TXNDC12: variants seen among roughly 807,000 people sequenced by gnomAD.
The protein encoded by TXNDC12 is thioredoxin domain-containing protein 12.
In TXNDC12, 22 loss-of-function variants were observed where a neutral mutation model predicts 24.2. The observed-to-expected ratio is 0.91, with a 90% CI of 0.65 to 1.30. The LOEUF (loss-of-function observed/expected upper bound fraction) is 1.30. Among genes scored for constraint, TXNDC12 ranks in the 50% most tolerant of loss-of-function variants. The probability of loss-of-function intolerance (pLI) is 0.00; values close to 1 mark genes in which losing one functional copy is unlikely to be tolerated. For missense variants in TXNDC12, 184 were observed against 205.8 expected, an observed-to-expected ratio of 0.89 and a Z score of 0.65; for synonymous variants, 58 against 73.4, an observed-to-expected ratio of 0.79 and a Z score of 1.07.
chr1:52,042,028 G>A (rs1686003446), intron 1 of TXNDC12, among the ~76,000 whole-genome samples: 1 of 152,168 alleles, frequency 6.6e-6, no homozygotes, highest in Non-Finnish European at 1.5e-5. Flanking sequence ...TTACGTGTGT[G>A]AATTCTTGTG....
rs201546597 is a variant in TXNDC12 at position 52,028,648 on chromosome 1, G to A, written c.159-18C>T. On this transcript the variant is annotated intron_variant, in intron 2 of 6. Transcript: ENST00000371626. ...GCAGTCCACTTAAAAGCAAAACAAA[G>A]AAATTATAATCTAGTAATTCTACTT... 5 of 1,587,144 alleles carry A rather than the reference G, an allele frequency of 3.2e-6. No homozygotes were observed. Among genetic ancestry groups the A allele is most frequent in the Non-Finnish European group, 4.3e-6 (5 of 1,160,328 alleles).
chr1:52,049,077 AACTTTT>A (rs1268467096), intron 1 of TXNDC12, among the ~76,000 whole-genome samples: 1 of 152,122 alleles, frequency 6.6e-6, no homozygotes, highest in Admixed American at 6.6e-5. Context: ...AGCTGAGCTC[AACTTTT>A]ACTTTTATTT....
At position 52,042,699 on chromosome 1, in the gene TXNDC12, C is replaced by T. The variant is rs542592511; in HGVS notation, c.98-1102G>A. ...GTGCAATGGCATGATCTCGGCTCAC[C>T]GCAACCTCCACCTCCTGGGTTCAAG... On this transcript the variant is annotated intron_variant, in intron 1 of 6. Transcript: ENST00000371626. Among the ~76,000 whole-genome samples, 28 of 151,868 alleles carry T rather than the reference C, an allele frequency of 1.8e-4. No individual in the cohort carries two copies. In the Middle Eastern group the frequency reaches 0.01, roughly 56 times the overall value.
chr1:52,042,142 A>G (rs1686004915), intron 1 of TXNDC12, among the ~76,000 whole-genome samples: 1 of 152,226 alleles, frequency 6.6e-6, no homozygotes, highest in African/African-American at 2.4e-5. Flanking sequence ...TAAGGATTAA[A>G]TGAAGTAAGT....
At position 52,055,026 on chromosome 1, in the gene TXNDC12, G is replaced by A; in HGVS notation, c.71C>T (p.Ser24Phe). 6.2e-7 allele frequency: 1 copy of A among 1,614,030 alleles called. No homozygotes were observed. The highest frequency in any genetic ancestry group is 1.1e-5 in the South Asian group (1 of 91,074). ...GFSFLLLVISSDGHNGLGKGF... is the reference protein window; with the variant it reads ...GFSFLLLVISFDGHNGLGKGF... ...CTTTCCAAGCCCATTATGTCCATCA[G>A]AAGAGATGACGAGGAGCAGGAAACT... Residue 24 changes from serine (S) to phenylalanine (F), a missense_variant, in exon 1 of 7, where the codon TCT (serine) becomes TTT (phenylalanine). Transcript: ENST00000371626.
chr1:52,032,625 C>T (rs998292668), intron 2 of TXNDC12: 14 of 1,526,526 alleles, frequency 9.2e-6, no homozygotes, highest in Non-Finnish European at 1.2e-5. Context: ...TGGAGACCTG[C>T]AGCCTATTTT....
intron 1 of TXNDC12, among the ~76,000 whole-genome samples, chr1:52,043,394 G>T (rs571006613): frequency 1.3e-5 from 2 of 152,238 alleles, no homozygotes; most frequent in South Asian, 4.1e-4. Context: ...ATCTTATTTA[G>T]ATCATATCAC....
At chr1:52,046,099 G>T (rs1283934067) in intron 1 of TXNDC12, among the ~76,000 whole-genome samples, 2 of 151,922 alleles carry the variant, frequency 1.3e-5, no homozygotes, top group African/African-American at 4.8e-5. Context: ...TATAGTCCTA[G>T]CTACTTGGGA....
intron 2 of TXNDC12, chr1:52,033,424 G>C (rs1431525312): frequency 3.4e-6 from 5 of 1,451,340 alleles, no homozygotes; most frequent in Non-Finnish European, 4.7e-6. Flanking sequence ...TCCCGCGATC[G>C]GGCCGCCGGG....
chr1:52,035,296 C>T (rs987886676), intron 2 of TXNDC12, among the ~76,000 whole-genome samples: 3 of 152,202 alleles, frequency 2.0e-5, no homozygotes, highest in African/African-American at 7.2e-5. Context: ...CCTCCACTTA[C>T]TAGTGTTGTA....
At chr1:52,055,619 G>A (rs957904699), upstream of TXNDC12, 1 of 159,196 alleles carries the variant, frequency 6.3e-6, no homozygotes, top group Non-Finnish European at 1.4e-5. Context: ...TTCATTGTTA[G>A]GTTCCTGCGA....
At position 52,041,577 on chromosome 1, in the gene TXNDC12, A is replaced by G. The variant is rs1254895687; in HGVS notation, c.118T>C (p.Trp40Arg). The change falls in exon 2 of 7, where the codon TGG (tryptophan) becomes CGG (arginine). Residue 40 changes from tryptophan (W) to arginine (R), a missense_variant. Physicochemically the swap from Trp to Arg is moderately radical, Grantham distance 101 (BLOSUM62 -3). Transcript: ENST00000371626. ...TTCTTCCCATCTTCCAGTGTCCTCC[A>G]ATGAATATGATCTCCAAAACCTGGA... ...LGKGFGDHIH[W>R]RTLEDGKKEA... 1 of 1,612,304 alleles carries G rather than the reference A, an allele frequency of 6.2e-7. No individual in the cohort carries two copies. Among genetic ancestry groups the G allele is most frequent in the African/African-American group, 1.3e-5 (1 of 75,002 alleles).
intron 2 of TXNDC12, among the ~76,000 whole-genome samples, chr1:52,036,853 T>C (rs1311630572): frequency 1.3e-5 from 2 of 152,228 alleles, no homozygotes; most frequent in African/African-American, 4.8e-5. Flanking sequence ...CAAGATCATA[T>C]CTTAAAACCC....
intron 1 of TXNDC12, among the ~76,000 whole-genome samples, chr1:52,053,099 C>A (rs373025665): frequency 3.1e-4 from 44 of 144,084 alleles, no homozygotes; most frequent in Non-Finnish European, 3.0e-4. Flanking sequence ...CAAAAAAATA[C>A]AAAAAAAAAA....
At chr1:52,021,560 C>CAAAAA (rs901244160) in intron 6 of TXNDC12, among the ~76,000 whole-genome samples, 1 of 55,712 alleles carries the variant, frequency 1.8e-5, no homozygotes, top group African/African-American at 6.3e-5. Context: ...GTTCTCAGGC[C>CAAAAA]AAAAAAAAAA....
At chr1:52,046,866 A>AAAATATATATATATAT (rs1229275355) in intron 1 of TXNDC12, among the ~76,000 whole-genome samples, 3 of 30,160 alleles carry the variant, frequency 9.9e-5, no homozygotes, top group African/African-American at 1.6e-4. Flanking sequence ...AAAAAAAAAA[A>AAAATATATATATATAT]ATATATATAT....
intron 2 of TXNDC12, among the ~76,000 whole-genome samples, chr1:52,040,298 AC>A (rs1685961139): frequency 6.6e-6 from 1 of 152,006 alleles, no homozygotes; most frequent in South Asian, 2.1e-4. Flanking sequence ...GTCTTAGCTC[AC>A]TGCAGCCTCA....
chr1:52,027,298 T>C lies in TXNDC12; in HGVS notation c.262A>G (p.Asn88Asp). The C allele has an allele frequency of 6.2e-7, 1 of 1,612,980 alleles. No homozygotes were observed. The highest frequency in any genetic ancestry group is 8.5e-7 in the Non-Finnish European group (1 of 1,179,264). Reference protein sequence around the residue: ...ESTEISELSHNFVMVNLEDEE... With the variant: ...ESTEISELSHDFVMVNLEDEE... ...ACCTCAAGATTTACCATAACAAAAT[T>C]ATGGGAGAGTTCTGAAATTTCCGTA... The change falls in exon 4 of 7, where the codon AAT (asparagine) becomes GAT (aspartate). Residue 88 changes from asparagine to aspartate, a missense_variant. Coordinates refer to ENST00000371626, the MANE Select transcript of TXNDC12 (RefSeq NM_015913.4).
At chr1:52,055,720 CT>C (rs1686330433), upstream of TXNDC12, 1 of 152,326 alleles carries the variant, frequency 6.6e-6, no homozygotes, top group African/African-American at 2.4e-5. Context: ...AGCTCTGTAC[CT>C]TATTTTTCCT....
Sources: gnomAD v4.1 joint callset for allele counts (sites outside exome capture counted in the v4.1 genomes callset) on GRCh38, gnomAD v4.1.1 for gene constraint, MANE v1.5 for transcripts, NCBI Gene and HGNC (gene_info 2026-07-23, HGNC 2026-07-21) for gene names.